The following BTBD7 variants were observed in gnomAD, a reference collection of about 807,000 sequenced individuals.
The protein encoded by BTBD7 is BTB/POZ domain-containing protein 7.
A neutral mutation model predicts 99.9 loss-of-function variants in BTBD7; 38 were observed. The ratio of observed to expected loss-of-function variants is 0.38; its 90% CI spans 0.29 to 0.50. The LOEUF (loss-of-function observed/expected upper bound fraction) is 0.50, where lower values mean the gene tolerates loss of function less well. Among genes scored for constraint, BTBD7 ranks in the 20% least tolerant of loss-of-function variants. BTBD7 has a pLI of 0.93. For missense variants in BTBD7, 1,170 were observed against 1,394.6 expected, an observed-to-expected ratio of 0.84 and a Z score of 2.57; for synonymous variants, 520 against 511.4, an observed-to-expected ratio of 1.02 and a Z score of -0.23.
chr14:93,319,025 T>C (rs542000112), intron 1 of BTBD7, among the ~76,000 whole-genome samples: 7 of 152,196 alleles, frequency 4.6e-5, no homozygotes, highest in Non-Finnish European at 1.0e-4. Context: ...GAGATCAGCC[T>C]GGGCAACAGG....
intron 1 of BTBD7, among the ~76,000 whole-genome samples, chr14:93,324,956 A>G (rs907344511): frequency 3.3e-5 from 5 of 152,166 alleles, no homozygotes; most frequent in African/African-American, 9.7e-5. Flanking sequence ...ATAAACACAC[A>G]CAAGACAGAG....
At chr14:93,259,493 T>C (rs1008839298) in intron 5 of BTBD7, among the ~76,000 whole-genome samples, 33 of 152,234 alleles carry the variant, frequency 2.2e-4, no homozygotes, top group Admixed American at 2.0e-3. Flanking sequence ...GGGAATGTGC[T>C]TGTTGGGAGA....
intron 3 of BTBD7, among the ~76,000 whole-genome samples, chr14:93,281,895 CAG>C (rs1287138254): frequency 3.3e-5 from 5 of 152,068 alleles, no homozygotes; most frequent in Non-Finnish European, 7.4e-5. Context: ...AAAGTTTTAC[CAG>C]AGAGTTATTA....
intron 1 of BTBD7, among the ~76,000 whole-genome samples, chr14:93,302,078 C>T (rs934261048): frequency 6.6e-6 from 1 of 152,162 alleles, no homozygotes; most frequent in African/African-American, 2.4e-5. Flanking sequence ...TACGAGTTAA[C>T]TGGTGGTCTG....
intron 1 of BTBD7, among the ~76,000 whole-genome samples, chr14:93,320,645 G>A (rs1016513884): frequency 6.6e-6 from 1 of 152,198 alleles, no homozygotes; most frequent in Non-Finnish European, 1.5e-5. Flanking sequence ...AAAGTCTACT[G>A]AAGTATAATG....
intron 3 of BTBD7, among the ~76,000 whole-genome samples, chr14:93,264,551 A>C (rs1157639375): frequency 6.6e-6 from 1 of 152,202 alleles, no homozygotes; most frequent in Non-Finnish European, 1.5e-5. Context: ...AGTGAAGAGG[A>C]CCAGGATCCT....
intron 9 of BTBD7, among the ~76,000 whole-genome samples, chr14:93,247,579 C>T (rs1412307819): frequency 6.6e-6 from 1 of 152,220 alleles, no homozygotes; most frequent in Non-Finnish European, 1.5e-5. Context: ...CTCCTGACCT[C>T]AAGTGATCCG....
In BTBD7 at chr14:93,238,675, G is replaced by T. The variant is rs2052187638; in HGVS notation, c.*3598C>A. ...TCCTAAAAGGCAAATTCAACATTAT[G>T]AAAATATATATTTTGCCGGGTAGTT... On this transcript the variant is annotated 3_prime_UTR_variant, in exon 11 of 11. Transcript: ENST00000334746. The T allele has an allele frequency of 1.3e-5, 2 of 152,188 alleles. No individual in the cohort carries two copies. The highest frequency in any genetic ancestry group is 6.5e-5 in the Admixed American group (1 of 15,276). The allele number at this position is 152,188 out of a possible 1,614,324, so 9.4% of individuals were successfully genotyped here.
At chr14:93,316,190 G>A (rs2053203743) in intron 1 of BTBD7, among the ~76,000 whole-genome samples, 1 of 151,110 alleles carries the variant, frequency 6.6e-6, no homozygotes, top group African/African-American at 2.4e-5. Context: ...ATGACTTCAG[G>A]TGATCTACCC....
At chr14:93,302,680 A>G (rs2053019190) in intron 1 of BTBD7, among the ~76,000 whole-genome samples, 1 of 152,126 alleles carries the variant, frequency 6.6e-6, no homozygotes, top group African/African-American at 2.4e-5. Context: ...CCCTGTCTCT[A>G]CTAAAAATAC....
intron 7 of BTBD7, 24 bp from the exon 8 acceptor site, chr14:93,251,676 C>T (rs2052369672): frequency 6.6e-7 from 1 of 1,507,960 alleles, no homozygotes; most frequent in Non-Finnish European, 9.0e-7. Context: ...TCAGTATTAA[C>T]AAAACCAGTC....
intron 1 of BTBD7, among the ~76,000 whole-genome samples, chr14:93,324,746 A>G (rs1366204599): frequency 2.0e-5 from 3 of 152,208 alleles, no homozygotes; most frequent in Non-Finnish European, 4.4e-5. Flanking sequence ...ATCGGTACAA[A>G]TAAGAGTTTA....
At chr14:93,296,778 A>AT (rs1446105258) in intron 1 of BTBD7, among the ~76,000 whole-genome samples, 7 of 152,280 alleles carry the variant, frequency 4.6e-5, no homozygotes, top group Middle Eastern at 3.4e-3. Context: ...AAAACAAAAA[A>AT]TTTTATCTAT....
chr14:93,258,343 A>C (rs1475361676), intron 5 of BTBD7, among the ~76,000 whole-genome samples: 1 of 152,062 alleles, frequency 6.6e-6, no homozygotes, highest in African/African-American at 2.4e-5. Flanking sequence ...CCTAGCTATG[A>C]TTTAGCTTCA....
At position 93,295,987 on chromosome 14, in the gene BTBD7, G is replaced by A; in HGVS notation, c.65C>T (p.Ala22Val). The A allele has an allele frequency of 6.2e-7, 1 of 1,613,976 alleles. No homozygotes were observed. Among genetic ancestry groups the A allele is most frequent in the Non-Finnish European group, 8.5e-7 (1 of 1,179,950 alleles). Residue 22 changes from alanine (A) to valine (V), a missense_variant, in exon 2 of 11, where the codon GCC (alanine) becomes GTC (valine). Transcript: ENST00000334746. ...CSPRVGGNSQ[A>V]QQTFIGTSSY... ...AAAGTTACCTATAAAAGTCTGTTGG[G>A]CCTGTGAATTTCCCCCTACCCTCGG... is the stretch of plus-strand genomic sequence containing the variant.
At chr14:93,250,283 C>A (rs1357929239) in intron 8 of BTBD7, among the ~76,000 whole-genome samples, 3 of 152,154 alleles carry the variant, frequency 2.0e-5, no homozygotes, top group Non-Finnish European at 4.4e-5. Flanking sequence ...AATGTCTAGA[C>A]CTCTGAGATT....
intron 3 of BTBD7, among the ~76,000 whole-genome samples, chr14:93,291,699 CTTGTT>C (rs970869017): frequency 8.6e-5 from 13 of 150,728 alleles, no homozygotes; most frequent in Non-Finnish European, 1.3e-4. Flanking sequence ...TTTTTTTTTG[CTTGTT>C]TTAAGTAACC....
chr14:93,248,437 G>A (rs141047310), intron 9 of BTBD7, 39 bp downstream of exon 9: 2 of 1,597,852 alleles, frequency 1.3e-6, no homozygotes, highest in East Asian at 2.2e-5. Flanking sequence ...TCTGGTGACT[G>A]AGGCTCCCTA....
chr14:93,271,498 CAGAGTTAGA>C (rs2052600632), intron 3 of BTBD7, among the ~76,000 whole-genome samples: 1 of 152,102 alleles, frequency 6.6e-6, no homozygotes, highest in Admixed American at 6.5e-5. Flanking sequence ...TCAGAGGCAC[CAGAGTTAGA>C]AATAAGAATT....
Sources: allele counts gnomAD v4.1 joint callset (sites outside exome capture counted in the v4.1 genomes callset), GRCh38; gene constraint gnomAD v4.1.1; transcripts MANE v1.5; gene names NCBI Gene and HGNC (gene_info 2026-07-23, HGNC 2026-07-21).